The following GDPD4 variants were observed in gnomAD, a reference collection of about 807,000 sequenced individuals.
The protein encoded by GDPD4 is glycerophosphodiester phosphodiesterase domain containing 4.
A neutral mutation model predicts 67.8 loss-of-function variants in GDPD4; 60 were observed. That is an observed-to-expected ratio of 0.88 (90% CI 0.72 to 1.10). GDPD4 has a LOEUF of 1.10. Ranked by LOEUF, GDPD4 falls within the 50% of genes least tolerant of loss-of-function variation. The probability of loss-of-function intolerance (pLI) is 0.00; values close to 1 mark genes in which losing one functional copy is unlikely to be tolerated. For synonymous variants in GDPD4, 212 were observed against 210.9 expected, an observed-to-expected ratio of 1.00 and a Z score of -0.04; for missense variants, 623 against 613.9, an observed-to-expected ratio of 1.01 and a Z score of -0.16.
At chr11:77,273,323 C>A (rs1378402917) in intron 5 of GDPD4, among the ~76,000 whole-genome samples, 2 of 152,160 alleles carry the variant, frequency 1.3e-5, no homozygotes, top group African/African-American at 2.4e-5. Flanking sequence ...AAATCAGTCT[C>A]TCCTCACAAG....
chr11:77,227,747 A>AC, intron 16 of GDPD4, 117 bp downstream of exon 16: 3 of 407,392 alleles, frequency 7.4e-6, no homozygotes, highest in Non-Finnish European at 1.5e-5. Context: ...CCCCAACCCC[A>AC]CCCCCAACTT....
At chr11:77,301,247 C>G (rs1264478784) in intron 1 of GDPD4, among the ~76,000 whole-genome samples, 2 of 152,028 alleles carry the variant, frequency 1.3e-5, no homozygotes, top group East Asian at 1.9e-4. Context: ...GATGTTTTTT[C>G]CCTCTAAAAT....
At chr11:77,254,762 T>C (rs1958972433) in intron 11 of GDPD4, among the ~76,000 whole-genome samples, 1 of 152,260 alleles carries the variant, frequency 6.6e-6, no homozygotes, top group Non-Finnish European at 1.5e-5. Context: ...TCTGTATCTA[T>C]TCTTATTTTG....
At chr11:77,230,175 C>T (rs1035995991) in intron 14 of GDPD4, among the ~76,000 whole-genome samples, 3 of 151,946 alleles carry the variant, frequency 2.0e-5, no homozygotes, top group African/African-American at 7.3e-5. Context: ...GCTCTTAATC[C>T]CCTCTGGGAA....
At chr11:77,277,699 G>A (rs1026979575) in intron 4 of GDPD4, among the ~76,000 whole-genome samples, 20 of 152,058 alleles carry the variant, frequency 1.3e-4, no homozygotes, top group Admixed American at 5.9e-4. Context: ...CAAAAAACCA[G>A]CTCCTTTTTG....
chr11:77,290,277 T>C (rs1035564207), intron 1 of GDPD4, among the ~76,000 whole-genome samples: 1 of 152,184 alleles, frequency 6.6e-6, no homozygotes, highest in South Asian at 2.1e-4. Context: ...CTAACAGATA[T>C]ATACAGAACA....
intron 12 of GDPD4, 139 bp downstream of exon 12, chr11:77,245,142 C>A: frequency 1.1e-5 from 7 of 656,750 alleles, no homozygotes; most frequent in Non-Finnish European, 1.9e-5. Flanking sequence ...GTATAAGTAA[C>A]AATCTTCATT....
In GDPD4 at chr11:77,216,704, T is replaced by G; in HGVS notation, c.*573A>C. 1.8e-6 allele frequency: 1 copy of G among 567,252 alleles called. No individual in the cohort carries two copies. The highest frequency in any genetic ancestry group is 2.2e-5 in the South Asian group (1 of 45,784). 35.1% of individuals were successfully genotyped at this position (567,252 alleles called of 1,614,324 possible). On this transcript the variant is annotated 3_prime_UTR_variant, in exon 17 of 17. Transcript: ENST00000315938. ...CCCTTGCCTAGCCCCTTGAGATGCA[T>G]TCTTGATAGCGAGAGCACAATGGTT...
At chr11:77,294,254 G>A (rs1406704145) in intron 1 of GDPD4, among the ~76,000 whole-genome samples, 1 of 152,154 alleles carries the variant, frequency 6.6e-6, no homozygotes, top group East Asian at 1.9e-4. Context: ...AATGCTGGGG[G>A]AAACTGAAAC....
intron 16 of GDPD4, among the ~76,000 whole-genome samples, chr11:77,218,308 T>C (rs1327771929): frequency 6.6e-6 from 1 of 152,214 alleles, no homozygotes; most frequent in Non-Finnish European, 1.5e-5. Flanking sequence ...TTGATTAAAG[T>C]CTATTTTTTC....
intron 10 of GDPD4, among the ~76,000 whole-genome samples, chr11:77,258,800 T>A (rs566856508): frequency 6.6e-6 from 1 of 152,160 alleles, no homozygotes; most frequent in South Asian, 2.1e-4. Flanking sequence ...AGGGGCTTTC[T>A]GGCATTAGGA....
intron 3 of GDPD4, among the ~76,000 whole-genome samples, chr11:77,281,681 G>A (rs571453386): frequency 6.6e-6 from 1 of 152,152 alleles, no homozygotes; most frequent in East Asian, 1.9e-4. Flanking sequence ...CAGGGGAGAA[G>A]GTAATCTCGT....
rs777478234 is a variant in GDPD4 at position 77,217,330 on chromosome 11, G to A, written c.1526-16C>T. On this transcript the variant is annotated splice_polypyrimidine_tract_variant and intron_variant, in intron 16 of 16. Coordinates refer to ENST00000315938, the MANE Select transcript of GDPD4 (RefSeq NM_182833.3). Reference sequence around the variant, plus strand: ...CTCTGAGTATCTGTGGGATGGAAAAGACACAGATTCCTCAAATGTCACTTC... The same window carrying A: ...CTCTGAGTATCTGTGGGATGGAAAAAACACAGATTCCTCAAATGTCACTTC... The A allele has an allele frequency of 1.3e-6, 2 of 1,585,702 alleles. No homozygotes were observed. The highest frequency in any genetic ancestry group is 2.7e-5 in the African/African-American group (2 of 74,332).
intron 11 of GDPD4, among the ~76,000 whole-genome samples, chr11:77,246,094 G>A (rs1272661728): frequency 6.6e-6 from 1 of 152,154 alleles, no homozygotes; most frequent in African/African-American, 2.4e-5. Flanking sequence ...AGGCCAGCCT[G>A]GGCAACATAG....
intron 13 of GDPD4, among the ~76,000 whole-genome samples, chr11:77,236,375 AT>A (rs1477735317): frequency 6.6e-6 from 1 of 151,994 alleles, no homozygotes; most frequent in East Asian, 1.9e-4. Flanking sequence ...GATGTTCCCC[AT>A]CCTGTGTCCA....
chr11:77,248,756 T>C (rs1484154020), intron 11 of GDPD4, among the ~76,000 whole-genome samples: 1 of 150,662 alleles, frequency 6.6e-6, no homozygotes, highest in Admixed American at 6.6e-5. Context: ...AGTTTTGTTC[T>C]TGTTGCCCAG....
intron 10 of GDPD4, among the ~76,000 whole-genome samples, chr11:77,267,924 T>C (rs941947569): frequency 2.0e-5 from 3 of 152,048 alleles, no homozygotes; most frequent in Non-Finnish European, 4.4e-5. Context: ...TTCTTTTTTT[T>C]CCCACACAAC....
intron 16 of GDPD4, among the ~76,000 whole-genome samples, chr11:77,226,984 A>G (rs1332805455): frequency 6.6e-6 from 1 of 152,218 alleles, no homozygotes. Flanking sequence ...ACCATTGTCC[A>G]TAAGAAATTA....
rs1325264174 is a variant in GDPD4, at chr11:77,252,060, T to TG, written c.864+6325_864+6326insC. Among the ~76,000 whole-genome samples the TG allele has an allele frequency of 2.7e-3, 146 of 53,820 alleles. 2 individuals carry two copies. Among genetic ancestry groups the TG allele is most frequent in the African/African-American group, 6.3e-3 (141 of 22,270 alleles). 35.3% of individuals were successfully genotyped at this position (53,820 alleles called of 152,430 possible). A position where few individuals can be genotyped will look rare whatever the true frequency, so the allele number is the denominator to read the frequency against. On this transcript the variant is annotated intron_variant, in intron 11 of 16. Transcript: ENST00000315938. ...TGGGTTTTTTTGTTTGTTTGTTTTT[T>TG]TTTTGTTTTTTTTTTTTTTTTGAGA... is the stretch of plus-strand genomic sequence containing the variant.
Sources: allele counts gnomAD v4.1 joint callset (sites outside exome capture counted in the v4.1 genomes callset), GRCh38; gene constraint gnomAD v4.1.1; transcripts MANE v1.5; gene names NCBI Gene and HGNC (gene_info 2026-07-23, HGNC 2026-07-21).